Variants in PARD3 observed in about 807,000 individuals in gnomAD.
PARD3 encodes the protein partitioning defective 3 homolog.
PARD3 carries 75 observed loss-of-function variants against 155.4 expected under a neutral mutation model. The ratio of observed to expected loss-of-function variants is 0.48; its 90% CI spans 0.40 to 0.58. PARD3 has a LOEUF of 0.58. Ranked by LOEUF, PARD3 falls within the 20% of genes least tolerant of loss-of-function variation. The pLI is 0.00. For missense variants in PARD3, 1,642 were observed against 1,721.7 expected (o/e 0.95, Z 0.82); for synonymous variants, 576 against 610.5 (o/e 0.94, Z 0.83).
chr10:34,446,461 T>C (rs1169949758), intron 5 of PARD3, among the ~76,000 whole-genome samples: 1 of 152,084 alleles, frequency 6.6e-6, no homozygotes, highest in Non-Finnish European at 1.5e-5. Context: ...CCCTATTTGC[T>C]GGATGAGTAA....
intron 2 of PARD3, among the ~76,000 whole-genome samples, chr10:34,636,172 T>C (rs1185130472): frequency 6.6e-6 from 1 of 152,006 alleles, no homozygotes; most frequent in Non-Finnish European, 1.5e-5. Context: ...AAGGATAGAT[T>C]TACGCATTTG....
At chr10:34,507,033 C>A (rs1366209745) in intron 3 of PARD3, among the ~76,000 whole-genome samples, 1 of 152,204 alleles carries the variant, frequency 6.6e-6, no homozygotes, top group Non-Finnish European at 1.5e-5. Flanking sequence ...GAATACACAT[C>A]AGTCTGCTTT....
chr10:34,542,707 C>T (rs1040413683), intron 2 of PARD3, among the ~76,000 whole-genome samples: 1 of 152,056 alleles, frequency 6.6e-6, no homozygotes, highest in African/African-American at 2.4e-5. Flanking sequence ...AAATAATTTT[C>T]TTCTGATTAT....
intron 1 of PARD3, among the ~76,000 whole-genome samples, chr10:34,795,196 A>T (rs979683311): frequency 2.0e-5 from 3 of 152,258 alleles, no homozygotes; most frequent in Admixed American, 1.3e-4. Flanking sequence ...CCAGTCAACA[A>T]GTCCCACCTG....
chr10:34,492,271 G>A (rs2079965804), intron 3 of PARD3, among the ~76,000 whole-genome samples: 1 of 152,114 alleles, frequency 6.6e-6, no homozygotes, highest in Admixed American at 6.5e-5. Context: ...CGAAGCATGT[G>A]GCTGAAGATC....
chr10:34,792,495 T>G (rs1841775698), intron 1 of PARD3, among the ~76,000 whole-genome samples: 1 of 152,194 alleles, frequency 6.6e-6, no homozygotes, highest in African/African-American at 2.4e-5. Flanking sequence ...CAATATTCAC[T>G]TATGTTTAAT....
intron 22 of PARD3, among the ~76,000 whole-genome samples, chr10:34,169,562 G>A (rs1276233060): frequency 6.6e-6 from 1 of 152,076 alleles, no homozygotes; most frequent in Non-Finnish European, 1.5e-5. Flanking sequence ...GGGACCAAAT[G>A]GAGAAAAATG....
chr10:34,339,752 A>T (rs1836600328), intron 16 of PARD3, among the ~76,000 whole-genome samples: 1 of 152,250 alleles, frequency 6.6e-6, no homozygotes, highest in Non-Finnish European at 1.5e-5. Flanking sequence ...GAGTTTGTGC[A>T]TTAGTAAGAG....
chr10:34,288,773 T>C (rs1378384484), intron 20 of PARD3, among the ~76,000 whole-genome samples: 1 of 152,194 alleles, frequency 6.6e-6, no homozygotes, highest in Non-Finnish European at 1.5e-5. Context: ...ACTGTGTTAA[T>C]AGTTGCTCCA....
At chr10:34,797,493 C>T (rs188670129) in intron 1 of PARD3, among the ~76,000 whole-genome samples, 45 of 152,332 alleles carry the variant, frequency 3.0e-4, no homozygotes, top group Non-Finnish European at 5.1e-4. Context: ...CCCTTACCTA[C>T]TTTGTGAAAG....
chr10:34,727,814 CCACA>C (rs140873851), intron 1 of PARD3, among the ~76,000 whole-genome samples: 2,085 of 142,662 alleles, frequency 0.015, 44 homozygotes, highest in African/African-American at 0.05. Flanking sequence ...CCTCCCTCCA[CCACA>C]CACACACACA....
intron 22 of PARD3, among the ~76,000 whole-genome samples, chr10:34,264,975 G>A (rs897666154): frequency 2.6e-5 from 4 of 152,084 alleles, no homozygotes; most frequent in Admixed American, 1.3e-4. Context: ...GGTCTCAGAC[G>A]CTGGGCTTCA....
intron 2 of PARD3, among the ~76,000 whole-genome samples, chr10:34,667,870 C>T (rs79750950): frequency 0.012 from 1,794 of 152,290 alleles, 37 homozygotes; most frequent in African/African-American, 0.041. Context: ...CATTCTCCTC[C>T]GTGCAGCCTG....
chr10:34,485,843 G>A (rs1429414473), intron 3 of PARD3, among the ~76,000 whole-genome samples: 1 of 151,464 alleles, frequency 6.6e-6, no homozygotes. Flanking sequence ...TTTCTTTAAG[G>A]TCCAGCTACC....
chr10:34,151,031 G>A (rs1196453029), intron 22 of PARD3, among the ~76,000 whole-genome samples: 1 of 152,122 alleles, frequency 6.6e-6, no homozygotes, highest in African/African-American at 2.4e-5. Flanking sequence ...GGATTTCTTT[G>A]CAGATGAACT....
intron 9 of PARD3, among the ~76,000 whole-genome samples, chr10:34,380,326 A>C (rs1841698495): frequency 6.6e-6 from 1 of 152,156 alleles, no homozygotes; most frequent in Non-Finnish European, 1.5e-5. Flanking sequence ...CTATATCATT[A>C]AGATTACTCA....
intron 20 of PARD3, among the ~76,000 whole-genome samples, chr10:34,311,570 T>C (rs974677245): frequency 9.2e-5 from 14 of 152,236 alleles, no homozygotes; most frequent in African/African-American, 2.4e-4. Flanking sequence ...ATTCGAACAC[T>C]TGGCCGGGCA....
At chr10:34,773,139 ACTTTG>A (rs538360231) in intron 1 of PARD3, among the ~76,000 whole-genome samples, 2 of 152,294 alleles carry the variant, frequency 1.3e-5, no homozygotes, top group South Asian at 4.1e-4. Flanking sequence ...TGTTCTCTTT[ACTTTG>A]ATGAGGAATT....
At chr10:34,776,225 A>C (rs565672243) in intron 1 of PARD3, among the ~76,000 whole-genome samples, 4 of 152,356 alleles carry the variant, frequency 2.6e-5, no homozygotes, top group African/African-American at 9.6e-5. Context: ...AGTAACAAGA[A>C]GACAAGGGAA....
Sources: allele counts gnomAD v4.1 joint callset (sites outside exome capture counted in the v4.1 genomes callset), GRCh38; gene constraint gnomAD v4.1.1; transcripts MANE v1.5; gene names NCBI Gene and HGNC (gene_info 2026-07-23, HGNC 2026-07-21).